PHF14: variants seen among roughly 807,000 people sequenced by gnomAD.
PHF14 encodes the protein PHD finger protein 14.
Under a neutral mutation model 117.9 loss-of-function variants are expected in PHF14, and 55 were observed. The observed-to-expected ratio is 0.47, with a 90% CI of 0.38 to 0.58. The LOEUF (loss-of-function observed/expected upper bound fraction) is 0.58. Ranked by LOEUF, PHF14 falls within the 20% of genes least tolerant of loss-of-function variation. The probability of loss-of-function intolerance (pLI) is 0.00; values close to 1 mark genes in which losing one functional copy is unlikely to be tolerated. For missense variants in PHF14, 978 were observed against 1,122.2 expected (o/e 0.87, Z 1.84); for synonymous variants, 409 against 368.6 (o/e 1.11, Z -1.26).
chr7:11,089,762 T>C (rs13220955), intron 16 of PHF14, among the ~76,000 whole-genome samples: 1 of 792 alleles, frequency 1.3e-3, no homozygotes, highest in African/African-American at 2.8e-3. Flanking sequence ...TCATGCATTC[T>C]TTTTTTTTTT....
At chr7:11,002,667 TC>T (rs1471928544) in intron 4 of PHF14, among the ~76,000 whole-genome samples, 1 of 151,786 alleles carries the variant, frequency 6.6e-6, no homozygotes, top group Non-Finnish European at 1.5e-5. Context: ...GGTCTTGAAC[TC>T]CCCCGCCTCT....
intron 16 of PHF14, among the ~76,000 whole-genome samples, chr7:11,080,517 C>T (rs926118204): frequency 1.3e-5 from 2 of 152,076 alleles, no homozygotes; most frequent in Non-Finnish European, 2.9e-5. Context: ...GATTTTATTG[C>T]TCTTTATGGA....
chr7:11,020,807 C>T (rs1300282390), intron 5 of PHF14, among the ~76,000 whole-genome samples: 3 of 152,100 alleles, frequency 2.0e-5, no homozygotes, highest in Non-Finnish European at 1.5e-5. Context: ...AATGAACAAC[C>T]TCCTACTCAA....
intron 7 of PHF14, among the ~76,000 whole-genome samples, chr7:11,029,884 T>C (rs1233936878): frequency 6.6e-6 from 1 of 152,086 alleles, no homozygotes; most frequent in African/African-American, 2.4e-5. Context: ...TAAATTTTGT[T>C]TATTGTGCTG....
chr7:11,068,862 C>T (rs184963232), intron 16 of PHF14, among the ~76,000 whole-genome samples: 2 of 152,102 alleles, frequency 1.3e-5, no homozygotes, highest in Non-Finnish European at 2.9e-5. Flanking sequence ...TGGTATATCT[C>T]TCCATTTATT....
chr7:11,096,248 G>T (rs562156717), intron 16 of PHF14, among the ~76,000 whole-genome samples: 1 of 152,144 alleles, frequency 6.6e-6, no homozygotes, highest in South Asian at 2.1e-4. Context: ...TTGTAAAGAA[G>T]ATCATCCTGC....
At position 10,982,939 on chromosome 7, in the gene PHF14, C is replaced by A. The variant is rs779951405; in HGVS notation, c.680C>A (p.Ser227Tyr). 3 of 1,604,006 alleles carry A rather than the reference C, an allele frequency of 1.9e-6. No individual in the cohort carries two copies. The highest frequency in any genetic ancestry group is 1.7e-5 in the Admixed American group (1 of 57,838). Reference protein sequence around the residue: ...TVVKRKGRSASQKEGSDGDNE... With the variant: ...TVVKRKGRSAYQKEGSDGDNE... ...GTAAAGAGAAAAGGGAGATCTGCGT[C>A]TCAGAAAGAGGGAAGTGATGGAGAC... Residue 227 changes from serine to tyrosine, a missense_variant, in exon 3 of 18, where the codon TCT (serine) becomes TAT (tyrosine). Transcript: ENST00000634607.
At position 11,128,399 on chromosome 7, in the gene PHF14, T is replaced by G. The variant is rs138725750; in HGVS notation, c.2772+16932T>G. ...CTTTGTTATTTTCCCTACTTCATTC[T>G]ATTTCCTGTCTCAGAAAATAAAAGT... On this transcript the variant is annotated intron_variant, in intron 17 of 17. Coordinates refer to ENST00000634607, the MANE Select transcript of PHF14 (RefSeq NM_001007157.2). 5.3e-3 allele frequency among the ~76,000 whole-genome samples: 803 copies of G among 152,138 alleles called. 31 individuals carry two copies. Among genetic ancestry groups the G allele is most frequent in the Admixed American group, 0.049 (740 of 15,226 alleles).
chr7:11,089,804 C>T (rs1420813813), intron 16 of PHF14, among the ~76,000 whole-genome samples: 4 of 110,948 alleles, frequency 3.6e-5, no homozygotes, highest in Non-Finnish European at 7.0e-5. Flanking sequence ...GAGTTTCACT[C>T]TTGTTGCCCA....
At chr7:11,028,377 G>A (rs1783998503) in intron 6 of PHF14, among the ~76,000 whole-genome samples, 1 of 152,140 alleles carries the variant, frequency 6.6e-6, no homozygotes, top group Admixed American at 6.5e-5. Context: ...GGGACTGTCT[G>A]TATATGTAAA....
chr7:10,974,446 C>T, intron 1 of PHF14, 122 bp downstream of exon 1: 1 of 841,188 alleles, frequency 1.2e-6, no homozygotes, highest in Admixed American at 2.1e-5. Context: ...TGGACCCTCG[C>T]CCTCCATGGT....
intron 5 of PHF14, among the ~76,000 whole-genome samples, chr7:11,018,644 G>A (rs1783614548): frequency 6.6e-6 from 1 of 152,042 alleles, no homozygotes; most frequent in African/African-American, 2.4e-5. Flanking sequence ...TTTCTTATGA[G>A]GTCTTTAGGT....
chr7:11,102,888 A>T, intron 16 of PHF14: 1 of 1,126,784 alleles, frequency 8.9e-7, no homozygotes. Context: ...GCAAATGTTG[A>T]TACACAGTGT....
rs1301811377 is a variant in PHF14, at chr7:11,114,113, A to C, written c.2772+2646A>C. Among the ~76,000 whole-genome samples the C allele has an allele frequency of 2.6e-5, 4 of 152,140 alleles. No individual in the cohort carries two copies. The East Asian group carries it at 7.7e-4, about 29-fold the overall frequency. ...GAAAGGAAGTAATCAATTGCAAATA[A>C]ATTTAGATGGTAAAATGTCTCCAAC... is the stretch of plus-strand genomic sequence containing the variant. On this transcript the variant is annotated intron_variant, in intron 17 of 17. Coordinates refer to ENST00000634607, the MANE Select transcript of PHF14 (RefSeq NM_001007157.2).
intron 17 of PHF14, among the ~76,000 whole-genome samples, chr7:11,141,414 T>C (rs116935509): frequency 0.011 from 1,607 of 152,170 alleles, 11 homozygotes; most frequent in Non-Finnish European, 0.015. Context: ...TAGTATAGAA[T>C]CTGGTGCTCA....
Position 10,974,272 on chromosome 7 carries a change from T to G in PHF14, c.-52T>G. 1 of 1,546,734 alleles carries G rather than the reference T, an allele frequency of 6.5e-7. No homozygotes were observed. The highest frequency in any genetic ancestry group is 1.2e-5 in the South Asian group (1 of 85,220). On this transcript the variant is annotated 5_prime_UTR_variant, in exon 1 of 18. Transcript: ENST00000634607. The stretch of plus-strand genomic sequence containing the variant: ...TCCCCGACCTCGGCGCTGCCTGGGC[T>G]CCTGCAGCCTCTCCCTAAGTCTTCT...
intron 17 of PHF14, among the ~76,000 whole-genome samples, chr7:11,118,517 T>A (rs1368553760): frequency 6.6e-6 from 1 of 151,866 alleles, no homozygotes. Context: ...GTTGGTACTT[T>A]GCTTTAAAAA....
intron 16 of PHF14, among the ~76,000 whole-genome samples, chr7:11,067,652 G>T (rs1160837656): frequency 6.6e-6 from 1 of 152,164 alleles, no homozygotes; most frequent in Non-Finnish European, 1.5e-5. Context: ...AATACCTGAG[G>T]GTGGATAATT....
Position 11,162,072 on chromosome 7 carries a change from C to CT in PHF14, c.2773-7310dup, listed in dbSNP as rs564998009. On this transcript the variant is annotated intron_variant, in intron 17 of 17. Transcript: ENST00000634607. ...TCAGCAGGATATCTTAAAAATATGT[C>CT]TTTTTTTTTTTTTTTTTTTTTTTTT... Among the ~76,000 whole-genome samples, 459 of 70,262 alleles carry CT rather than the reference C, an allele frequency of 6.5e-3. 62 individuals carry two copies. The highest frequency in any genetic ancestry group is 0.011 in the Non-Finnish European group (358 of 33,634). 46.1% of individuals were successfully genotyped at this position (70,262 alleles called of 152,430 possible).
Sources: allele counts gnomAD v4.1 joint callset (sites outside exome capture counted in the v4.1 genomes callset), GRCh38; gene constraint gnomAD v4.1.1; transcripts MANE v1.5; gene names NCBI Gene and HGNC (gene_info 2026-07-23, HGNC 2026-07-21).